The following C4orf36 variants were observed in gnomAD, a reference collection of about 807,000 sequenced individuals.
C4orf36 encodes the protein uncharacterized protein C4orf36.
In C4orf36, 11 loss-of-function variants were observed where a neutral mutation model predicts 12.2. The ratio of observed to expected loss-of-function variants is 0.90; its 90% confidence interval spans 0.57 to 1.49. The LOEUF is 1.49. Among genes scored for constraint, C4orf36 ranks in the 40% most tolerant of loss-of-function variants. The pLI, the probability that C4orf36 is intolerant of heterozygous loss-of-function variation, is 0.00. For missense variants in C4orf36, 137 were observed against 133.9 expected (o/e 1.02, Z -0.11); for synonymous variants, 54 against 51.3 (o/e 1.05, Z -0.22).
chr4:86,876,689 T>C lies in C4orf36; in HGVS notation c.*3-246A>G, dbSNP rs962864672. The C allele has an allele frequency of 3.1e-6, 5 of 1,610,938 alleles. No homozygotes were observed. In the African/African-American group the frequency reaches 6.7e-5, roughly 22 times the overall value. ...AGTGTATCTTTCTGAAATTGTATGG[T>C]GAAGCTATGGGTGATCTTTACTATT... On this transcript the variant is annotated intron_variant, in intron 4 of 4. Transcript: ENST00000295898.
At chr4:86,892,123 T>G in intron 1 of C4orf36, 60 bp downstream of exon 1, 3 of 985,420 alleles carry the variant, frequency 3.0e-6, no homozygotes, top group Non-Finnish European at 3.6e-6. Flanking sequence ...GGTGGGGGCC[T>G]CGGCCGCCCA....
At chr4:86,910,388 G>A in the C4orf36 span, among the ~76,000 whole-genome samples, 1 of 151,826 alleles carries the variant, frequency 6.6e-6, no homozygotes, top group Non-Finnish European at 1.5e-5. Flanking sequence ...CTCCATCCTG[G>A]GCAACAGCGC....
chr4:86,914,762 C>T, the C4orf36 span: 1 of 442,722 alleles, frequency 2.3e-6, no homozygotes. Context: ...TGGGTATGAT[C>T]CCTGTTCCAG....
chr4:86,924,092 G>A, the C4orf36 span, among the ~76,000 whole-genome samples: 1,374 of 152,228 alleles, frequency 9.0e-3, 9 homozygotes, highest in Non-Finnish European at 0.014. Flanking sequence ...CTAGGTTGGA[G>A]TGCAGTGGCA....
chr4:86,920,528 G>C, the C4orf36 span, among the ~76,000 whole-genome samples: 2 of 152,168 alleles, frequency 1.3e-5, no homozygotes, highest in Non-Finnish European at 2.9e-5. Flanking sequence ...CCACAAACTA[G>C]ATCATTTGTA....
Position 86,876,357 on chromosome 4 carries a change from G to A in C4orf36, c.*89C>T, listed in dbSNP as rs933883259. On this transcript the variant is annotated 3_prime_UTR_variant, in exon 5 of 5. Coordinates refer to ENST00000295898, the MANE Select transcript of C4orf36 (RefSeq NM_144645.4). ...GGATGGCTGCAGCGCAGCGACGGCCGGGGCCGGGAGCGGGTCCTGGGCGGC... is the reference window on the plus strand; with the variant it reads ...GGATGGCTGCAGCGCAGCGACGGCCAGGGCCGGGAGCGGGTCCTGGGCGGC... 1.1e-5 allele frequency: 18 copies of A among 1,575,932 alleles called. 2 individuals are homozygous for A. Among genetic ancestry groups the A allele is most frequent in the South Asian group, 8.0e-5 (7 of 87,724 alleles).
chr4:86,892,210 C>CA lies in C4orf36; in HGVS notation c.-102dup, dbSNP rs1747448016. ...GGGCCCCACCCTGCCTCCGACTCGC[C>CA]AGGAATGCGCTGTGTGCGCGGGGCT... is the stretch of plus-strand genomic sequence containing the variant. On this transcript the variant is annotated 5_prime_UTR_variant, in exon 1 of 5. Coordinates refer to ENST00000295898, the MANE Select transcript of C4orf36 (RefSeq NM_144645.4). The CA allele has an allele frequency of 1.0e-6, 1 of 985,478 alleles. No individual in the cohort carries two copies. Among genetic ancestry groups the CA allele is most frequent in the Admixed American group, 6.1e-5 (1 of 16,278 alleles). The allele number at this position is 985,478 out of a possible 1,614,324, so 61.0% of individuals were successfully genotyped here.
the C4orf36 span, among the ~76,000 whole-genome samples, chr4:86,915,082 T>A: frequency 6.6e-6 from 1 of 152,172 alleles, no homozygotes; most frequent in South Asian, 2.1e-4. Flanking sequence ...TCCCTCCCCA[T>A]GCAAACATCC....
the C4orf36 span, chr4:86,914,104 C>G: frequency 6.2e-7 from 1 of 1,606,050 alleles, no homozygotes; most frequent in Non-Finnish European, 8.5e-7. Flanking sequence ...ACCCACCAGT[C>G]ATTTTCAGAC....
the C4orf36 span, among the ~76,000 whole-genome samples, chr4:86,915,742 G>A: frequency 6.6e-6 from 1 of 152,130 alleles, no homozygotes; most frequent in Non-Finnish European, 1.5e-5. Flanking sequence ...AGCCAAGATT[G>A]TACCATTACA....
At chr4:86,904,341 C>G in the C4orf36 span, among the ~76,000 whole-genome samples, 1 of 152,224 alleles carries the variant, frequency 6.6e-6, no homozygotes, top group African/African-American at 2.4e-5. Context: ...TCGGCCAGCC[C>G]CAGAGAGGGG....
the C4orf36 span, chr4:86,914,391 CTTTTTTTTTTTTTTTT>C: frequency 4.6e-5 from 15 of 327,794 alleles, no homozygotes; most frequent in Non-Finnish European, 5.4e-6. Flanking sequence ...CTTCTTCTTC[CTTTTTTTTTTTTTTTT>C]TTTTTTTTTT....
the C4orf36 span, chr4:86,913,887 G>A: frequency 9.0e-6 from 9 of 1,005,282 alleles, no homozygotes; most frequent in Non-Finnish European, 1.2e-5. Flanking sequence ...GGAGTGCAGT[G>A]GCACGATCTC....
At chr4:86,914,391 CTTTTTTT>C in the C4orf36 span, 558 of 327,480 alleles carry the variant, frequency 1.7e-3, 2 homozygotes, top group East Asian at 3.0e-3. Flanking sequence ...CTTCTTCTTC[CTTTTTTT>C]TTTTTTTTTT....
chr4:86,913,360 A>G, the C4orf36 span: 2 of 825,560 alleles, frequency 2.4e-6, no homozygotes, highest in Non-Finnish European at 4.1e-6. Context: ...TTGCTTGCCC[A>G]CCTCATAAAT....
upstream of C4orf36, among the ~76,000 whole-genome samples, chr4:86,895,790 T>C (rs956823271): frequency 6.6e-6 from 1 of 152,248 alleles, no homozygotes; most frequent in Non-Finnish European, 1.5e-5. Context: ...CCTATCTCTA[T>C]TGCTATCTCT....
At position 86,884,298 on chromosome 4, in the gene C4orf36, A is replaced by ACT. The variant is rs1560471171; in HGVS notation, c.*2+3459_*2+3460insAG. Among the ~76,000 whole-genome samples the ACT allele has an allele frequency of 1.8e-4, 22 of 125,242 alleles. 4 individuals are homozygous for ACT. Among genetic ancestry groups the ACT allele is most frequent in the Non-Finnish European group, 2.5e-4 (15 of 59,612 alleles). 82.2% of individuals were successfully genotyped at this position (125,242 alleles called of 152,430 possible). A position where few individuals can be genotyped will look rare whatever the true frequency, so the allele number is the denominator to read the frequency against. ...AAATTAGGCAGAAGGAAAAAGACTG[A>ACT]ATTTTTTTTTTTTTTTTTTTTTTTG... is the stretch of plus-strand genomic sequence containing the variant. On this transcript the variant is annotated intron_variant, in intron 4 of 4. Coordinates refer to ENST00000295898, the MANE Select transcript of C4orf36 (RefSeq NM_144645.4).
the C4orf36 span, chr4:86,935,653 G>A: frequency 6.6e-6 from 1 of 152,316 alleles, no homozygotes; most frequent in East Asian, 1.9e-4. Context: ...GGGGAAAAGT[G>A]GGGTTCTTCT....
chr4:86,896,370 A>G (rs996813371), upstream of C4orf36, among the ~76,000 whole-genome samples: 1 of 152,236 alleles, frequency 6.6e-6, no homozygotes, highest in Admixed American at 6.5e-5. Context: ...CTCATTTCAA[A>G]AAGTGACATT....
Sources: allele counts gnomAD v4.1 joint callset (sites outside exome capture counted in the v4.1 genomes callset), GRCh38; gene constraint gnomAD v4.1.1; transcripts MANE v1.5; gene names NCBI Gene and HGNC (gene_info 2026-07-23, HGNC 2026-07-21).